CDO1: variants seen among roughly 807,000 people sequenced by gnomAD.
CDO1 encodes the protein cysteine dioxygenase, type I.
A neutral mutation model predicts 24.5 loss-of-function variants in CDO1; 19 were observed. The observed-to-expected ratio is 0.77, with a 90% CI of 0.54 to 1.14. The LOEUF (loss-of-function observed/expected upper bound fraction) is 1.14, where lower values mean the gene tolerates loss of function less well. Among genes scored for constraint, CDO1 ranks in the 50% most tolerant of loss-of-function variants. The pLI, the probability that CDO1 is intolerant of heterozygous loss-of-function variation, is 0.00. For missense variants in CDO1, 244 were observed against 244.8 expected (o/e 1.00, Z 0.02); for synonymous variants, 91 against 87.0 (o/e 1.05, Z -0.26).
At chr5:115,808,767 C>A (rs1760062409) in intron 3 of CDO1, among the ~76,000 whole-genome samples, 1 of 151,930 alleles carries the variant, frequency 6.6e-6, no homozygotes. Context: ...AGATGAAATA[C>A]TCAATTAAAA....
intron 2 of CDO1, 113 bp from the exon 3 acceptor site, chr5:115,811,428 G>A: frequency 1.5e-6 from 1 of 682,396 alleles, no homozygotes; most frequent in South Asian, 2.3e-5. Context: ...TATCTCCCCA[G>A]CCAAAATCCA....
rs1314808238 is a variant in CDO1, at chr5:115,805,230, T to C, written c.*203A>G. On this transcript the variant is annotated 3_prime_UTR_variant, in exon 5 of 5. Coordinates refer to ENST00000250535, the MANE Select transcript of CDO1 (RefSeq NM_001801.3). ...GCCTTTAAAAATCACAAGACTTTCT[T>C]TTCCTCAGTGGGACTTTTCTTCTGC... The C allele has an allele frequency of 6.0e-6, 3 of 499,458 alleles. No homozygotes were observed. The highest frequency in any genetic ancestry group is 1.1e-5 in the Non-Finnish European group (3 of 281,376). The allele number at this position is 499,458 out of a possible 1,614,324, so 30.9% of individuals were successfully genotyped here. A position where few individuals can be genotyped will look rare whatever the true frequency, so the allele number is the denominator to read the frequency against.
chr5:115,808,607 G>T (rs1760052181), intron 3 of CDO1, among the ~76,000 whole-genome samples: 1 of 152,128 alleles, frequency 6.6e-6, no homozygotes, highest in Non-Finnish European at 1.5e-5. Context: ...GCCTTACATT[G>T]TAAGGAATCT....
chr5:115,807,351 C>G (rs1363470220), intron 3 of CDO1, among the ~76,000 whole-genome samples: 1 of 152,208 alleles, frequency 6.6e-6, no homozygotes, highest in Non-Finnish European at 1.5e-5. Flanking sequence ...ACAAGCTCCA[C>G]TCATGTTCAG....
At chr5:115,809,206 G>C (rs1760081401) in intron 3 of CDO1, among the ~76,000 whole-genome samples, 1 of 152,122 alleles carries the variant, frequency 6.6e-6, no homozygotes, top group African/African-American at 2.4e-5. Flanking sequence ...CCATCCTTTA[G>C]AGAAGCTCCT....
chr5:115,805,111 A>C lies in CDO1; in HGVS notation c.*322T>G, dbSNP rs1759879987. On this transcript the variant is annotated 3_prime_UTR_variant, in exon 5 of 5. Transcript: ENST00000250535. ...CTTGCTAATTACAGTTCAGAGACCA[A>C]AGTATTTCCAAAAGCTATGAAAACC... The C allele has an allele frequency of 3.6e-6, 1 of 275,296 alleles. No individual in the cohort carries two copies. The highest frequency in any genetic ancestry group is 2.2e-5 in the African/African-American group (1 of 45,316). 17.1% of individuals were successfully genotyped at this position (275,296 alleles called of 1,614,324 possible). A position where few individuals can be genotyped will look rare whatever the true frequency, so the allele number is the denominator to read the frequency against.
intron 2 of CDO1, among the ~76,000 whole-genome samples, chr5:115,811,747 T>C (rs972590092): frequency 3.3e-5 from 5 of 152,218 alleles, no homozygotes; most frequent in African/African-American, 1.2e-4. Context: ...ACTGAGAAGA[T>C]CCACTTAACA....
intron 1 of CDO1, 107 bp downstream of exon 1, chr5:115,816,121 G>C: frequency 2.9e-6 from 3 of 1,049,740 alleles, no homozygotes; most frequent in Non-Finnish European, 4.0e-6. Flanking sequence ...GACGCAGCGC[G>C]GCCCGAGCTT....
rs940710718 is a variant in CDO1 at position 115,816,134 on chromosome 5, C to T, written c.170+94G>A. The T allele has an allele frequency of 2.6e-5, 35 of 1,352,572 alleles. No individual in the cohort carries two copies. The South Asian group carries it at 4.7e-4, about 18-fold the overall frequency. The allele number at this position is 1,352,572 out of a possible 1,614,324, so 83.8% of individuals were successfully genotyped here. A position where few individuals can be genotyped will look rare whatever the true frequency, so the allele number is the denominator to read the frequency against. On this transcript the variant is annotated intron_variant, in intron 1 of 4. Transcript: ENST00000250535. Reference sequence around the variant, plus strand: ...CGGACGCAGCGCGGCCCGAGCTTCCCGAGCCAGTCACTTTGGGCTGCGTCC... The same window carrying T: ...CGGACGCAGCGCGGCCCGAGCTTCCTGAGCCAGTCACTTTGGGCTGCGTCC...
At chr5:115,813,047 CAAAAAAAAAAAA>C (rs1011228490) in intron 2 of CDO1, 122 bp downstream of exon 2, 10 of 152,748 alleles carry the variant, frequency 6.5e-5, no homozygotes, top group Admixed American at 1.6e-4. Context: ...ACCACTGTCT[CAAAAAAAAAAAA>C]AAAAAAAAAA....
Position 115,809,064 on chromosome 5 carries a change from C to T in CDO1, c.403+2097G>A, listed in dbSNP as rs147899514. ...TTCTCAGATCTGCAAATTCTTTGAT[C>T]CTGTAGCTTGTTGTGTTCATAATAT... On this transcript the variant is annotated intron_variant, in intron 3 of 4. Transcript: ENST00000250535. Among the ~76,000 whole-genome samples, 229 of 152,214 alleles carry T rather than the reference C, an allele frequency of 1.5e-3. 1 individual carries two copies. The highest frequency in any genetic ancestry group is 5.1e-3 in the African/African-American group (211 of 41,504).
intron 3 of CDO1, among the ~76,000 whole-genome samples, chr5:115,810,209 T>G (rs544309873): frequency 2.0e-5 from 3 of 152,302 alleles, no homozygotes; most frequent in Non-Finnish European, 4.4e-5. Flanking sequence ...GGTAAATGAA[T>G]CAGAGCTTCC....
chr5:115,806,562 T>C, intron 3 of CDO1, 44 bp from the exon 4 acceptor site: 1 of 1,465,406 alleles, frequency 6.8e-7, no homozygotes, highest in Non-Finnish European at 9.4e-7. Context: ...GGAGCCTAGA[T>C]AACAGCTGTA....
rs1760169437 is a variant in CDO1 at position 115,811,163 on chromosome 5, T to C, written c.401A>G (p.Asn134Ser). 2.5e-6 allele frequency: 4 copies of C among 1,612,680 alleles called. No individual in the cohort carries two copies. Among genetic ancestry groups the C allele is most frequent in the Non-Finnish European group, 3.4e-6 (4 of 1,179,216 alleles). Residue 134 changes from asparagine to serine, a missense_variant and splice_region_variant, in exon 3 of 5, where the codon AAT becomes AGT. Coordinates refer to ENST00000250535, the MANE Select transcript of CDO1 (RefSeq NM_001801.3). Reference protein sequence around the residue: ...VLRENQCAYINDSIGLHRVEN... With the variant: ...VLRENQCAYISDSIGLHRVEN... ...TTAGAAAAAGAATAAGATGTTACCA[T>C]TGATGTAGGCACACTGGTTTTCCCT...
Position 115,805,442 on chromosome 5 carries a change from C to T in CDO1, c.594G>A (p.Glu198=). The stretch of plus-strand genomic sequence containing the variant: ...GAGGGTTTGGTGCCCCTTAGTTGTT[C>T]TCCAGCGAGCCCGAAGTTGCCTGTA... The part of the protein sequence containing the change: ...RTPNATSGSL[E]NN Residue 198 remains glutamate, a synonymous_variant, in exon 5 of 5, where the codon GAG becomes GAA. Coordinates refer to ENST00000250535, the MANE Select transcript of CDO1 (RefSeq NM_001801.3). The T allele has an allele frequency of 1.2e-6, 2 of 1,613,854 alleles. No individual in the cohort carries two copies. The highest frequency in any genetic ancestry group is 1.7e-6 in the Non-Finnish European group (2 of 1,179,886).
chr5:115,810,046 G>A (rs1281008660), intron 3 of CDO1, among the ~76,000 whole-genome samples: 2 of 152,114 alleles, frequency 1.3e-5, no homozygotes, highest in Non-Finnish European at 2.9e-5. Flanking sequence ...ATTTTCACAA[G>A]CACTCTGACT....
chr5:115,806,571 T>G, intron 3 of CDO1, 53 bp from the exon 4 acceptor site: 90 of 1,318,556 alleles, frequency 6.8e-5, no homozygotes, highest in Non-Finnish European at 9.5e-5. Flanking sequence ...ATAACAGCTG[T>G]AGGTAAAATC....
Position 115,805,437 on chromosome 5 carries a change from TTGTTC to T in CDO1, c.594_598del (p.Asn199LeufsTer12). 6.2e-7 allele frequency: 1 copy of T among 1,613,954 alleles called. No individual in the cohort carries two copies. On this transcript the variant is annotated frameshift_variant, in exon 5 of 5. Coordinates refer to ENST00000250535, the MANE Select transcript of CDO1 (RefSeq NM_001801.3). LOFTEE classifies it high-confidence loss of function. ...CCTCAGAGGGTTTGGTGCCCCTTAG[TTGTTC>T]TCCAGCGAGCCCGAAGTTGCCTGTA...
intron 4 of CDO1, 119 bp downstream of exon 4, chr5:115,806,230 A>C: frequency 1.9e-6 from 1 of 531,166 alleles, no homozygotes; most frequent in Non-Finnish European, 3.1e-6. Context: ...AAGTTAAATA[A>C]AACAATCAAG....
Sources: gnomAD v4.1 joint callset for allele counts (sites outside exome capture counted in the v4.1 genomes callset) on GRCh38, gnomAD v4.1.1 for gene constraint, MANE v1.5 for transcripts, NCBI Gene and HGNC (gene_info 2026-07-23, HGNC 2026-07-21) for gene names.